The following GPHN variants were observed in gnomAD, a reference collection of about 807,000 sequenced individuals.
The protein encoded by GPHN is gephyrin.
A neutral mutation model predicts 95.5 loss-of-function variants in GPHN; 17 were observed. That is an observed-to-expected ratio of 0.18 (90% CI 0.12 to 0.27). The LOEUF (loss-of-function observed/expected upper bound fraction) is 0.27. Among genes scored for constraint, GPHN ranks in the 10% least tolerant of loss-of-function variants. The probability of loss-of-function intolerance (pLI) is 1.00; values close to 1 mark genes in which losing one functional copy is unlikely to be tolerated. For missense variants in GPHN, 660 were observed against 978.1 expected (o/e 0.67, Z 4.34); for synonymous variants, 320 against 322.5 (o/e 0.99, Z 0.08).
the GPHN span, chr14:67,647,248 A>G: frequency 2.3e-6 from 1 of 435,286 alleles, no homozygotes; most frequent in Non-Finnish European, 4.1e-6. Context: ...CTGTCTCATG[A>G]ATTTTTCTTT....
chr14:67,316,822 T>C, the GPHN span: 2 of 1,601,774 alleles, frequency 1.2e-6, no homozygotes, highest in South Asian at 1.1e-5. Context: ...TTTTTCTTTC[T>C]GCTATTAAGG....
the GPHN span, chr14:67,684,890 C>T: frequency 3.0e-6 from 2 of 674,854 alleles, no homozygotes; most frequent in Non-Finnish European, 4.7e-6. Context: ...AAGGTAAAAA[C>T]TCTAGAGTTA....
the GPHN span, among the ~76,000 whole-genome samples, chr14:67,487,885 A>G: frequency 6.6e-6 from 1 of 151,998 alleles, no homozygotes; most frequent in Non-Finnish European, 1.5e-5. Context: ...CAGCCTCCCA[A>G]AGTGCTAGGA....
chr14:67,382,904 C>CGTGCGT, the GPHN span, among the ~76,000 whole-genome samples: 1 of 140,450 alleles, frequency 7.1e-6, no homozygotes, highest in South Asian at 2.4e-4. Context: ...TACGTGCGTG[C>CGTGCGT]GTGCGTGTGT....
At chr14:66,992,028 G>GA (rs1273795460) in intron 9 of GPHN, among the ~76,000 whole-genome samples, 1 of 151,890 alleles carries the variant, frequency 6.6e-6, no homozygotes, top group Admixed American at 6.6e-5. Flanking sequence ...AGATATTCAG[G>GA]AAAAAAGTAG....
chr14:67,483,868 T>G, the GPHN span, among the ~76,000 whole-genome samples: 17 of 152,002 alleles, frequency 1.1e-4, no homozygotes, highest in African/African-American at 4.1e-4. Flanking sequence ...ACACAGAGGA[T>G]TTCAGGGGGC....
At chr14:67,243,491 T>TA in the GPHN span, among the ~76,000 whole-genome samples, 1 of 83,176 alleles carries the variant, frequency 1.2e-5, no homozygotes. Flanking sequence ...AGAATATAAT[T>TA]TTTTTTTTTT....
the GPHN span, among the ~76,000 whole-genome samples, chr14:67,408,281 G>A: frequency 1.7e-4 from 20 of 116,796 alleles, no homozygotes; most frequent in East Asian, 2.2e-3. Context: ...AGCAAAATTC[G>A]GTCTCAAAAT....
At chr14:67,079,536 T>A (rs1002446458) in intron 11 of GPHN, among the ~76,000 whole-genome samples, 1 of 152,120 alleles carries the variant, frequency 6.6e-6, no homozygotes, top group African/African-American at 2.4e-5. Flanking sequence ...CTTTTGTAAC[T>A]GGCTTTTTCC....
chr14:66,695,032 G>C (rs989133510), intron 2 of GPHN, among the ~76,000 whole-genome samples: 1 of 152,028 alleles, frequency 6.6e-6, no homozygotes, highest in Non-Finnish European at 1.5e-5. Flanking sequence ...GGTGGTGCAC[G>C]ACTGTAATCC....
At chr14:67,695,814 CCTT>C in the GPHN span, 1 of 1,004,820 alleles carries the variant, frequency 1.0e-6, no homozygotes, top group Non-Finnish European at 1.5e-6. Flanking sequence ...GGGGAGCAGA[CCTT>C]CTGGGAAATG....
At chr14:67,371,343 C>T in the GPHN span, among the ~76,000 whole-genome samples, 1 of 151,784 alleles carries the variant, frequency 6.6e-6, no homozygotes, top group Non-Finnish European at 1.5e-5. Flanking sequence ...CGGCTTGAGC[C>T]CAGGAGTTTG....
the GPHN span, among the ~76,000 whole-genome samples, chr14:67,402,988 A>C: frequency 6.6e-6 from 1 of 152,150 alleles, no homozygotes; most frequent in Admixed American, 6.6e-5. Flanking sequence ...TTTTTTGAGG[A>C]GCCTCTAAAT....
chr14:66,866,198 T>C (rs2063215218), intron 4 of GPHN, among the ~76,000 whole-genome samples: 2 of 152,120 alleles, frequency 1.3e-5, no homozygotes, highest in African/African-American at 4.8e-5. Flanking sequence ...TATTATGCAT[T>C]AGATTTCCTG....
the GPHN span, chr14:67,651,390 G>A: frequency 5.0e-6 from 8 of 1,613,702 alleles, no homozygotes; most frequent in Non-Finnish European, 6.8e-6. Flanking sequence ...GAAGTTCAAT[G>A]GCTGCGAAAG....
At chr14:67,398,044 T>C in the GPHN span, 54,411 of 387,724 alleles carry the variant, frequency 0.14, 7,785 homozygotes, top group East Asian at 0.47. Context: ...TGGTTTTAAA[T>C]CTTGAAAGAA....
the GPHN span, chr14:67,684,787 G>T: frequency 2.5e-5 from 9 of 364,212 alleles, no homozygotes; most frequent in African/African-American, 1.7e-4. Flanking sequence ...AAGACAGGAA[G>T]AAAACAAACA....
chr14:67,115,806 C>A (rs1350025739), intron 16 of GPHN, among the ~76,000 whole-genome samples: 3 of 151,938 alleles, frequency 2.0e-5, no homozygotes, highest in Non-Finnish European at 4.4e-5. Flanking sequence ...TATTGGTAAG[C>A]AGGACAGTTG....
chr14:67,383,711 G>C, the GPHN span: 1 of 382,378 alleles, frequency 2.6e-6, no homozygotes, highest in South Asian at 2.2e-5. Flanking sequence ...AATTGGGCTT[G>C]TGATTTCCAT....
Sources: gnomAD v4.1 joint callset for allele counts (sites outside exome capture counted in the v4.1 genomes callset) on GRCh38, gnomAD v4.1.1 for gene constraint, MANE v1.5 for transcripts, NCBI Gene and HGNC (gene_info 2026-07-23, HGNC 2026-07-21) for gene names.